CYP4X1: variants seen among roughly 807,000 people sequenced by gnomAD.
CYP4X1 encodes cytochrome P450 family 4 subfamily X member 1.
Under a neutral mutation model 57.9 loss-of-function variants are expected in CYP4X1, and 44 were observed. The ratio of observed to expected loss-of-function variants is 0.76; its 90% CI spans 0.60 to 0.98. The LOEUF is 0.98. Among genes scored for constraint, CYP4X1 ranks in the 50% least tolerant of loss-of-function variants. The pLI, the probability that CYP4X1 is intolerant of heterozygous loss-of-function variation, is 0.00. For missense variants in CYP4X1, 532 were observed against 623.9 expected (o/e 0.85, Z 1.57); for synonymous variants, 227 against 228.6 (o/e 0.99, Z 0.06).
At chr1:46,984,425 T>C in the CYP4X1 span, among the ~76,000 whole-genome samples, 1 of 144,556 alleles carries the variant, frequency 6.9e-6, no homozygotes, top group Non-Finnish European at 1.5e-5. Flanking sequence ...GCAAGATGAC[T>C]GAATAGGAAG....
At chr1:46,976,976 T>A in the CYP4X1 span, among the ~76,000 whole-genome samples, 1 of 152,046 alleles carries the variant, frequency 6.6e-6, no homozygotes, top group Non-Finnish European at 1.5e-5. Flanking sequence ...TAGGTCACCA[T>A]CATCAAAGGC....
chr1:47,003,506 T>C, the CYP4X1 span, among the ~76,000 whole-genome samples: 1 of 152,132 alleles, frequency 6.6e-6, no homozygotes, highest in Non-Finnish European at 1.5e-5. Flanking sequence ...TTTTAAAAAA[T>C]ATTTAATTGG....
the CYP4X1 span, among the ~76,000 whole-genome samples, chr1:47,009,208 G>A: frequency 1.3e-5 from 2 of 152,062 alleles, no homozygotes; most frequent in Admixed American, 1.3e-4. Flanking sequence ...ATAACAAACT[G>A]TCTCTCAGAC....
At chr1:46,977,042 T>A in the CYP4X1 span, among the ~76,000 whole-genome samples, 2 of 152,200 alleles carry the variant, frequency 1.3e-5, no homozygotes, top group Admixed American at 1.3e-4. Context: ...AAGCTAAAAA[T>A]TCTAAAAACC....
At chr1:47,039,709 G>GA in intron 8 of CYP4X1, 177 bp downstream of exon 8, 2 of 375,810 alleles carry the variant, frequency 5.3e-6, no homozygotes, top group Non-Finnish European at 8.6e-6. Context: ...TTGTCTTTCA[G>GA]GAAAAAAAAA....
intron 8 of CYP4X1, among the ~76,000 whole-genome samples, chr1:47,046,007 G>A (rs1278289334): frequency 1.3e-5 from 2 of 152,196 alleles, no homozygotes; most frequent in Non-Finnish European, 2.9e-5. Context: ...GCACAAGTCA[G>A]ATCATCTAAG....
chr1:47,038,678 G>C lies in CYP4X1; in HGVS notation c.794G>C (p.Arg265Thr). 6.2e-7 allele frequency: 1 copy of C among 1,608,058 alleles called. No homozygotes were observed. Among genetic ancestry groups the C allele is most frequent in the South Asian group, 1.1e-5 (1 of 89,762 alleles). Residue 265 changes from arginine (R) to threonine (T), a missense_variant, in exon 7 of 12, where the codon AGA becomes ACA. Transcript: ENST00000371901. ...NQYTDTIIQE[R>T]KKSLQAGVKQ... ...TACCCAGATACAATAATCCAGGAAAGAAAGAAATCCCTCCAGGCTGGGGTA... is the reference window on the plus strand; with the variant it reads ...TACCCAGATACAATAATCCAGGAAACAAAGAAATCCCTCCAGGCTGGGGTA...
At chr1:47,010,133 C>A in the CYP4X1 span, among the ~76,000 whole-genome samples, 42 of 152,128 alleles carry the variant, frequency 2.8e-4, no homozygotes, top group Non-Finnish European at 5.6e-4. Context: ...GACCAATATC[C>A]CTGATGAACA....
At chr1:47,035,513 T>C (rs79781289) in intron 4 of CYP4X1, among the ~76,000 whole-genome samples, 151 of 152,348 alleles carry the variant, frequency 9.9e-4, no homozygotes, top group African/African-American at 3.5e-3. Context: ...AATGGAACTC[T>C]GGTCTGTTTG....
chr1:47,025,928 G>A (rs943504559), intron 1 of CYP4X1, among the ~76,000 whole-genome samples: 28 of 152,086 alleles, frequency 1.8e-4, no homozygotes, highest in Non-Finnish European at 2.4e-4. Flanking sequence ...ATACTATGTC[G>A]TCTGTTGTTT....
At chr1:47,008,506 C>T in the CYP4X1 span, among the ~76,000 whole-genome samples, 5 of 152,210 alleles carry the variant, frequency 3.3e-5, no homozygotes, top group Non-Finnish European at 7.3e-5. Context: ...CAGGAAAAAA[C>T]TGCATCAACT....
the CYP4X1 span, among the ~76,000 whole-genome samples, chr1:47,004,993 A>G: frequency 6.6e-6 from 1 of 152,184 alleles, no homozygotes; most frequent in African/African-American, 2.4e-5. Context: ...TCATCCAGGG[A>G]CAAAAGGAAA....
the CYP4X1 span, among the ~76,000 whole-genome samples, chr1:46,997,540 G>T: frequency 3.3e-5 from 5 of 152,128 alleles, no homozygotes; most frequent in African/African-American, 1.2e-4. Context: ...CATCCATTTT[G>T]CTGTGAAGAA....
intron 8 of CYP4X1, among the ~76,000 whole-genome samples, chr1:47,045,934 C>T (rs557237888): frequency 6.6e-6 from 1 of 152,298 alleles, no homozygotes; most frequent in South Asian, 2.1e-4. Flanking sequence ...CTGTCCTCTG[C>T]CTTTCTGTCT....
chr1:47,045,267 A>T (rs1268832329), intron 8 of CYP4X1, among the ~76,000 whole-genome samples: 1 of 152,228 alleles, frequency 6.6e-6, no homozygotes, highest in Admixed American at 6.5e-5. Flanking sequence ...GACTAAATAT[A>T]TGCAGTCATT....
At chr1:46,965,807 T>C in the CYP4X1 span, among the ~76,000 whole-genome samples, 4 of 152,222 alleles carry the variant, frequency 2.6e-5, no homozygotes, top group African/African-American at 9.6e-5. Flanking sequence ...GGCTGGAATG[T>C]CTGAGTTGGC....
the CYP4X1 span, among the ~76,000 whole-genome samples, chr1:46,984,681 T>C: frequency 1.2e-4 from 19 of 152,316 alleles, no homozygotes; most frequent in Non-Finnish European, 2.4e-4. Flanking sequence ...CCAGCCCAGA[T>C]ACTACGCTTT....
At chr1:47,026,122 A>C (rs12732488) in intron 1 of CYP4X1, among the ~76,000 whole-genome samples, 58,479 of 151,960 alleles carry the variant, frequency 0.38, 12,273 homozygotes, top group East Asian at 0.92. Context: ...GAGGTAGGGA[A>C]GGTTAATGGG....
chr1:46,988,747 T>C, the CYP4X1 span, among the ~76,000 whole-genome samples: 1 of 152,130 alleles, frequency 6.6e-6, no homozygotes, highest in Non-Finnish European at 1.5e-5. Flanking sequence ...AATCAATAAA[T>C]ATAATGCATC....
Sources: allele counts gnomAD v4.1 joint callset (sites outside exome capture counted in the v4.1 genomes callset), GRCh38; gene constraint gnomAD v4.1.1; transcripts MANE v1.5; gene names NCBI Gene and HGNC (gene_info 2026-07-23, HGNC 2026-07-21).